The following INPP4B variants were observed in gnomAD, a reference collection of about 807,000 sequenced individuals.
INPP4B encodes inositol polyphosphate 4-phosphatase type II.
In INPP4B, 55 loss-of-function variants were observed where a neutral mutation model predicts 122.5. The observed-to-expected ratio is 0.45, with a 90% CI of 0.36 to 0.56. INPP4B has a LOEUF of 0.56. INPP4B is among the 20% of genes least tolerant of loss of function. The probability of loss-of-function intolerance (pLI) is 0.00; values close to 1 mark genes in which losing one functional copy is unlikely to be tolerated. For missense variants in INPP4B, 1,000 were observed against 1,097.7 expected (o/e 0.91, Z 1.26); for synonymous variants, 403 against 388.7 (o/e 1.04, Z -0.43).
At chr4:142,576,516 G>T (rs997109000) in intron 2 of INPP4B, among the ~76,000 whole-genome samples, 1 of 151,412 alleles carries the variant, frequency 6.6e-6, no homozygotes, top group African/African-American at 2.4e-5. Context: ...TATAGTATGA[G>T]AAATATCTAT....
At chr4:142,584,121 A>T (rs1735665581) in intron 2 of INPP4B, among the ~76,000 whole-genome samples, 3 of 151,994 alleles carry the variant, frequency 2.0e-5, no homozygotes, top group Non-Finnish European at 4.4e-5. Context: ...AGGAAAAGAG[A>T]ATATGAGTTT....
chr4:142,187,208 G>A (rs1007124623), intron 15 of INPP4B, among the ~76,000 whole-genome samples: 1 of 152,126 alleles, frequency 6.6e-6, no homozygotes, highest in South Asian at 2.1e-4. Flanking sequence ...AAAAGGAACT[G>A]ACAGGGGCTT....
intron 2 of INPP4B, among the ~76,000 whole-genome samples, chr4:142,579,085 T>C (rs898526252): frequency 6.6e-6 from 1 of 152,062 alleles, no homozygotes; most frequent in Non-Finnish European, 1.5e-5. Flanking sequence ...CGTTCATTTA[T>C]TTAATAGAAT....
chr4:142,498,208 T>C (rs1247372300), intron 2 of INPP4B, among the ~76,000 whole-genome samples: 8 of 149,470 alleles, frequency 5.4e-5, no homozygotes, highest in Non-Finnish European at 2.9e-5. Context: ...TGTGTGTATA[T>C]ATATATATAC....
intron 2 of INPP4B, among the ~76,000 whole-genome samples, chr4:142,481,100 A>C (rs979986210): frequency 6.9e-6 from 1 of 144,302 alleles, no homozygotes; most frequent in Non-Finnish European, 1.5e-5. Context: ...GCACCACTGC[A>C]CTCCAGCCTG....
intron 2 of INPP4B, among the ~76,000 whole-genome samples, chr4:142,515,900 A>T (rs762395161): frequency 1.3e-5 from 2 of 152,192 alleles, no homozygotes; most frequent in Non-Finnish European, 2.9e-5. Context: ...TTAGACAATA[A>T]ATCCCATGAA....
At chr4:142,621,614 T>A (rs1744948511) in intron 2 of INPP4B, among the ~76,000 whole-genome samples, 1 of 151,994 alleles carries the variant, frequency 6.6e-6, no homozygotes, top group South Asian at 2.1e-4. Flanking sequence ...CTTCTCACTC[T>A]GAGAGATTTG....
At chr4:142,322,942 T>C (rs1030097053) in intron 7 of INPP4B, among the ~76,000 whole-genome samples, 2 of 152,162 alleles carry the variant, frequency 1.3e-5, no homozygotes, top group African/African-American at 4.8e-5. Flanking sequence ...AAAGTTAGAG[T>C]AAAGAACTAT....
intron 5 of INPP4B, among the ~76,000 whole-genome samples, chr4:142,410,993 T>G (rs889828260): frequency 1.3e-5 from 2 of 152,184 alleles, no homozygotes; most frequent in African/African-American, 2.4e-5. Context: ...TATTTTCAGA[T>G]AGCTAAATAT....
intron 9 of INPP4B, among the ~76,000 whole-genome samples, chr4:142,304,870 C>T (rs1045824113): frequency 1.3e-5 from 2 of 152,104 alleles, no homozygotes; most frequent in African/African-American, 4.8e-5. Flanking sequence ...ATTTAACGCT[C>T]TTAGTAATTA....
intron 2 of INPP4B, among the ~76,000 whole-genome samples, chr4:142,709,829 A>G (rs1461250896): frequency 1.3e-5 from 2 of 152,166 alleles, no homozygotes; most frequent in Non-Finnish European, 2.9e-5. Flanking sequence ...AACCCCCTCT[A>G]TCTATTGCCC....
At chr4:142,657,840 G>A (rs1473771731) in intron 2 of INPP4B, among the ~76,000 whole-genome samples, 1 of 152,120 alleles carries the variant, frequency 6.6e-6, no homozygotes, top group Admixed American at 6.5e-5. Context: ...TTTTAAACCT[G>A]GAAGATATTT....
intron 1 of INPP4B, among the ~76,000 whole-genome samples, chr4:142,802,240 C>T (rs1156664269): frequency 6.6e-6 from 1 of 152,130 alleles, no homozygotes; most frequent in African/African-American, 2.4e-5. Context: ...CTGCAGGTCA[C>T]GGTAATTCTA....
chr4:142,685,632 C>T (rs1759237898), intron 2 of INPP4B, among the ~76,000 whole-genome samples: 1 of 152,034 alleles, frequency 6.6e-6, no homozygotes, highest in South Asian at 2.1e-4. Flanking sequence ...CGTTGGCTTA[C>T]ACCTGTAATC....
intron 5 of INPP4B, among the ~76,000 whole-genome samples, chr4:142,419,187 G>A (rs1235081727): frequency 6.6e-6 from 1 of 152,022 alleles, no homozygotes; most frequent in Non-Finnish European, 1.5e-5. Context: ...TCAGGTTCTG[G>A]CCATCTTAAA....
intron 7 of INPP4B, among the ~76,000 whole-genome samples, chr4:142,370,227 T>C (rs1358295240): frequency 6.6e-6 from 1 of 152,126 alleles, no homozygotes; most frequent in Non-Finnish European, 1.5e-5. Flanking sequence ...GTCTTTGTAA[T>C]AGTCAATTAC....
At chr4:142,656,777 C>G (rs773756300) in intron 2 of INPP4B, among the ~76,000 whole-genome samples, 16 of 152,208 alleles carry the variant, frequency 1.1e-4, no homozygotes, top group Non-Finnish European at 2.4e-4. Flanking sequence ...ACCTCATCAA[C>G]AAGTTAGCCC....
intron 2 of INPP4B, among the ~76,000 whole-genome samples, chr4:142,707,975 T>A (rs1482055500): frequency 6.6e-6 from 1 of 152,194 alleles, no homozygotes; most frequent in African/African-American, 2.4e-5. Context: ...AAATCCAGGC[T>A]AAGGTGCTCT....
chr4:142,311,878 T>C (rs1484444829), intron 8 of INPP4B, among the ~76,000 whole-genome samples: 1 of 152,138 alleles, frequency 6.6e-6, no homozygotes, highest in Non-Finnish European at 1.5e-5. Flanking sequence ...CCATGGCCAG[T>C]TTGTGCAATT....
Sources: gnomAD v4.1 joint callset for allele counts (sites outside exome capture counted in the v4.1 genomes callset) on GRCh38, gnomAD v4.1.1 for gene constraint, MANE v1.5 for transcripts, NCBI Gene and HGNC (gene_info 2026-07-23, HGNC 2026-07-21) for gene names.